TMEM132C: variants seen among roughly 807,000 people sequenced by gnomAD.
TMEM132C encodes the protein transmembrane protein 132C, also known as protein phosphatase 1, regulatory subunit 152.
Under a neutral mutation model 61.4 loss-of-function variants are expected in TMEM132C, and 29 were observed. The ratio of observed to expected loss-of-function variants is 0.47; its 90% confidence interval spans 0.35 to 0.64. The LOEUF is 0.64. Among genes scored for constraint, TMEM132C ranks in the 30% least tolerant of loss-of-function variants. The pLI, the probability that TMEM132C is intolerant of heterozygous loss-of-function variation, is 0.00. For missense variants in TMEM132C, 1,408 were observed against 1,476.9 expected, an observed-to-expected ratio of 0.95 and a Z score of 0.76; for synonymous variants, 656 against 633.1, an observed-to-expected ratio of 1.04 and a Z score of -0.54.
chr12:128,275,470 G>T (rs1870659189), intron 1 of TMEM132C, among the ~76,000 whole-genome samples: 1 of 152,190 alleles, frequency 6.6e-6, no homozygotes, highest in Non-Finnish European at 1.5e-5. Context: ...TGGTCTAGTT[G>T]CAGGAAGACA....
intron 1 of TMEM132C, among the ~76,000 whole-genome samples, chr12:128,320,889 G>C (rs1476386080): frequency 1.3e-5 from 2 of 151,702 alleles, no homozygotes; most frequent in African/African-American, 4.8e-5. Context: ...TCCAAGAAAT[G>C]AGATGCCATC....
At chr12:128,472,050 C>T (rs1398754520) in intron 2 of TMEM132C, among the ~76,000 whole-genome samples, 1 of 152,162 alleles carries the variant, frequency 6.6e-6, no homozygotes, top group Non-Finnish European at 1.5e-5. Flanking sequence ...AACCACTCCT[C>T]ATACTCATGG....
chr12:128,357,378 C>T (rs768974901), intron 1 of TMEM132C, among the ~76,000 whole-genome samples: 2 of 152,068 alleles, frequency 1.3e-5, no homozygotes, highest in Non-Finnish European at 2.9e-5. Context: ...GGCTTCTGTT[C>T]GAATGCAGTC....
chr12:128,347,914 T>C (rs1474694594), intron 1 of TMEM132C, among the ~76,000 whole-genome samples: 1 of 152,248 alleles, frequency 6.6e-6, no homozygotes, highest in Admixed American at 6.5e-5. Flanking sequence ...AAGACTGTTT[T>C]GGCTATTCTT....
At chr12:128,672,027 A>G (rs946218611) in intron 5 of TMEM132C, among the ~76,000 whole-genome samples, 4 of 152,134 alleles carry the variant, frequency 2.6e-5, no homozygotes, top group African/African-American at 4.8e-5. Flanking sequence ...AGTTTTAAGA[A>G]AAGTTGAATT....
chr12:128,623,359 A>G (rs183781457), intron 4 of TMEM132C, among the ~76,000 whole-genome samples: 34 of 152,092 alleles, frequency 2.2e-4, no homozygotes, highest in African/African-American at 6.7e-4. Flanking sequence ...ACATGCATGC[A>G]TATGTAACAA....
At chr12:128,667,209 ATG>A (rs1200123882) in intron 4 of TMEM132C, among the ~76,000 whole-genome samples, 3 of 146,638 alleles carry the variant, frequency 2.0e-5, no homozygotes, top group Middle Eastern at 3.4e-3. Context: ...GTGTGTGAAC[ATG>A]TGTGTGTGTG....
chr12:128,639,940 TTTG>T (rs1445538860), intron 4 of TMEM132C, among the ~76,000 whole-genome samples: 4 of 152,226 alleles, frequency 2.6e-5, no homozygotes, highest in Non-Finnish European at 2.9e-5. Flanking sequence ...TAAGATGAAT[TTTG>T]TTGTTGTTCA....
At chr12:128,422,924 A>C (rs1459974100) in intron 2 of TMEM132C, among the ~76,000 whole-genome samples, 5 of 152,156 alleles carry the variant, frequency 3.3e-5, no homozygotes, top group Non-Finnish European at 4.4e-5. Context: ...CAGAGAATAG[A>C]GATATCTGGG....
intron 3 of TMEM132C, among the ~76,000 whole-genome samples, chr12:128,558,010 T>C (rs538377375): frequency 1.3e-5 from 2 of 152,336 alleles, no homozygotes; most frequent in South Asian, 4.1e-4. Flanking sequence ...TCGCGCACAT[T>C]AGTCAGTCTC....
chr12:128,419,358 G>A (rs1432104948), intron 2 of TMEM132C, among the ~76,000 whole-genome samples: 2 of 152,230 alleles, frequency 1.3e-5, no homozygotes, highest in Non-Finnish European at 2.9e-5. Context: ...ATTATGAACA[G>A]CAAACTCTCT....
rs534629430 is a variant in TMEM132C, at chr12:128,562,105, C to T, written c.1121+18002C>T. ...ACCATCTACCCCAAACTACAGCCTC[C>T]GCAAAACTGGAAACCGCATCTCTCT... On this transcript the variant is annotated intron_variant, in intron 3 of 8. Coordinates refer to ENST00000435159, the MANE Select transcript of TMEM132C (RefSeq NM_001136103.3). 5.3e-5 allele frequency among the ~76,000 whole-genome samples: 8 copies of T among 152,276 alleles called. No homozygotes were observed. The South Asian group carries it at 1.5e-3, about 28-fold the overall frequency.
At chr12:128,600,785 G>A (rs2135573563) in intron 3 of TMEM132C, among the ~76,000 whole-genome samples, 1 of 152,276 alleles carries the variant, frequency 6.6e-6, no homozygotes, top group South Asian at 2.1e-4. Context: ...CACTGTGCCT[G>A]GCACAAATCT....
intron 4 of TMEM132C, among the ~76,000 whole-genome samples, chr12:128,637,102 A>T (rs1380549526): frequency 6.6e-6 from 1 of 152,160 alleles, no homozygotes; most frequent in Admixed American, 6.5e-5. Flanking sequence ...TACTGATTTG[A>T]TTTCCTTTGG....
intron 3 of TMEM132C, among the ~76,000 whole-genome samples, chr12:128,584,393 C>T (rs1170110914): frequency 6.6e-6 from 1 of 152,182 alleles, no homozygotes; most frequent in African/African-American, 2.4e-5. Flanking sequence ...GTTAGTCGTT[C>T]TCATCCTTCT....
At chr12:128,554,885 C>G (rs752052177) in intron 3 of TMEM132C, among the ~76,000 whole-genome samples, 8 of 152,186 alleles carry the variant, frequency 5.3e-5, no homozygotes, top group Non-Finnish European at 1.0e-4. Flanking sequence ...TCTCCCTGCT[C>G]CTCTTGTGAC....
At chr12:128,528,841 G>C (rs772252277) in intron 2 of TMEM132C, among the ~76,000 whole-genome samples, 2 of 152,142 alleles carry the variant, frequency 1.3e-5, no homozygotes, top group African/African-American at 2.4e-5. Flanking sequence ...GGATGGGATT[G>C]GGACCTCTCC....
At chr12:128,669,594 GT>G (rs1311287319) in intron 5 of TMEM132C, 34 bp downstream of exon 5, 1 of 1,546,716 alleles carries the variant, frequency 6.5e-7, no homozygotes, top group Non-Finnish European at 8.7e-7. Flanking sequence ...GATGGAACCG[GT>G]GGGAACTTCA....
intron 3 of TMEM132C, among the ~76,000 whole-genome samples, chr12:128,555,113 AG>A (rs1277427680): frequency 6.6e-6 from 1 of 152,216 alleles, no homozygotes; most frequent in Non-Finnish European, 1.5e-5. Context: ...AAAGTAAATC[AG>A]GCAGGTAATA....
Sources: allele counts gnomAD v4.1 joint callset (sites outside exome capture counted in the v4.1 genomes callset), GRCh38; gene constraint gnomAD v4.1.1; transcripts MANE v1.5; gene names NCBI Gene and HGNC (gene_info 2026-07-23, HGNC 2026-07-21).